Variants in NOP9 observed in about 807,000 individuals in gnomAD.
NOP9 encodes the protein NOP9 nucleolar protein, also known as nucleolar protein 9.
In NOP9, 50 loss-of-function variants were observed where a neutral mutation model predicts 63.0. The observed-to-expected ratio is 0.79, with a 90% CI of 0.63 to 1.00. The LOEUF (loss-of-function observed/expected upper bound fraction) is 1.00. NOP9 is among the 50% of genes least tolerant of loss of function. The probability of loss-of-function intolerance (pLI) is 0.00; values close to 1 mark genes in which losing one functional copy is unlikely to be tolerated. For synonymous variants in NOP9, 343 were observed against 332.8 expected (o/e 1.03, Z -0.33); for missense variants, 758 against 803.0 (o/e 0.94, Z 0.68).
intron 9 of NOP9, among the ~76,000 whole-genome samples, 169 bp downstream of exon 9, chr14:24,304,767 G>A (rs1410535017): frequency 6.6e-6 from 1 of 152,216 alleles, no homozygotes; most frequent in Non-Finnish European, 1.5e-5. Flanking sequence ...CTGACTGATT[G>A]TGTAGTCCTC....
In NOP9 at chr14:24,307,420, G is replaced by A; in HGVS notation, c.*2325G>A. On this transcript the variant is annotated 3_prime_UTR_variant, in exon 10 of 10. Transcript: ENST00000267425. The stretch of plus-strand genomic sequence containing the variant: ...GGCAGCTGTCAGGCCTTTCCGGATG[G>A]TCCGCTTGTGATCACAGACACGGAA... 1.2e-6 allele frequency: 2 copies of A among 1,614,134 alleles called. No individual in the cohort carries two copies. Among genetic ancestry groups the A allele is most frequent in the Non-Finnish European group, 1.7e-6 (2 of 1,179,992 alleles).
At position 24,304,090 on chromosome 14, in the gene NOP9, C is replaced by T; in HGVS notation, c.1460C>T (p.Ser487Phe). The T allele has an allele frequency of 6.2e-7, 1 of 1,614,216 alleles. No individual in the cohort carries two copies. The highest frequency in any genetic ancestry group is 8.5e-7 in the Non-Finnish European group (1 of 1,180,036). ...RALGDVTVLG[S>F]LLLQHLLHFS... ...TTGGGGGATGTGACAGTCCTTGGGTCTCTACTGCTCCAGCATCTGCTGCAC... is the reference window on the plus strand; with the variant it reads ...TTGGGGGATGTGACAGTCCTTGGGTTTCTACTGCTCCAGCATCTGCTGCAC... Residue 487 changes from serine to phenylalanine, a missense_variant, in exon 8 of 10, where the codon TCT (serine) becomes TTT (phenylalanine). Physicochemically the swap from Ser to Phe is radical, Grantham distance 155. Coordinates refer to ENST00000267425, the MANE Select transcript of NOP9 (RefSeq NM_174913.3).
At position 24,303,299 on chromosome 14, in the gene NOP9, C is replaced by T; in HGVS notation, c.1284+85C>T. 10 of 1,551,224 alleles carry T rather than the reference C, an allele frequency of 6.4e-6. No homozygotes were observed. The Admixed American group carries it at 1.5e-4, about 23-fold the overall frequency. On this transcript the variant is annotated intron_variant, in intron 6 of 9. Coordinates refer to ENST00000267425, the MANE Select transcript of NOP9 (RefSeq NM_174913.3). ...CTTATCTAATCTTAAGTTTTTGTAC[C>T]TCTGGACTCAGGAAGTCTAATGCCC...
At chr14:24,283,987 G>A in the NOP9 span, among the ~76,000 whole-genome samples, 4 of 152,236 alleles carry the variant, frequency 2.6e-5, no homozygotes, top group Non-Finnish European at 5.9e-5. Context: ...GGACCCCTAG[G>A]CCAGGGCACC....
the NOP9 span, among the ~76,000 whole-genome samples, chr14:24,275,231 T>C: frequency 0.018 from 2,780 of 152,242 alleles, 43 homozygotes; most frequent in Non-Finnish European, 0.028. Context: ...CTAAATGATG[T>C]TTGAAGAAGA....
At chr14:24,299,266 C>CA (rs2041323035), upstream of NOP9, 2 of 790,176 alleles carry the variant, frequency 2.5e-6, no homozygotes, top group South Asian at 1.9e-5. Context: ...GGAGAGGAGT[C>CA]AGAGGCTGAC....
chr14:24,307,926 G>T lies in NOP9; in HGVS notation c.*2831G>T. ...GGTTCTCTCCTGTGCTGGGGCTTTA[G>T]TGGTGTTTTCTGTTACAAACCTGGG... On this transcript the variant is annotated 3_prime_UTR_variant, in exon 10 of 10. Coordinates refer to ENST00000267425, the MANE Select transcript of NOP9 (RefSeq NM_174913.3). 7.1e-7 allele frequency: 1 copy of T among 1,408,572 alleles called. No individual in the cohort carries two copies. The highest frequency in any genetic ancestry group is 9.8e-7 in the Non-Finnish European group (1 of 1,015,966). 87.3% of individuals were successfully genotyped at this position (1,408,572 alleles called of 1,614,324 possible).
At chr14:24,292,104 T>G in the NOP9 span, 2 of 1,556,158 alleles carry the variant, frequency 1.3e-6, no homozygotes, top group African/African-American at 2.7e-5. Flanking sequence ...ACCTGGTGAG[T>G]GGGAGTATCT....
chr14:24,288,354 A>AT, the NOP9 span, among the ~76,000 whole-genome samples: 342 of 146,878 alleles, frequency 2.3e-3, 3 homozygotes, highest in African/African-American at 4.7e-3. Context: ...GGAATTGACA[A>AT]TTTTTTTTTT....
the NOP9 span, among the ~76,000 whole-genome samples, chr14:24,272,029 TTGG>T: frequency 1.3e-5 from 2 of 152,240 alleles, no homozygotes; most frequent in Non-Finnish European, 2.9e-5. Context: ...CCCCTAAATG[TTGG>T]TGATCTCCAG....
chr14:24,291,873 A>G, the NOP9 span: 3 of 608,152 alleles, frequency 4.9e-6, no homozygotes, highest in Non-Finnish European at 8.7e-6. Flanking sequence ...GGTAGTGCCA[A>G]ATAGTGTTTG....
the NOP9 span, among the ~76,000 whole-genome samples, chr14:24,283,853 G>A: frequency 6.6e-6 from 1 of 152,380 alleles, no homozygotes; most frequent in East Asian, 1.9e-4. Context: ...GATACCACCT[G>A]CAGAAGACCC....
chr14:24,307,426 T>A lies in NOP9; in HGVS notation c.*2331T>A, dbSNP rs1193463835. On this transcript the variant is annotated 3_prime_UTR_variant, in exon 10 of 10. Transcript: ENST00000267425. ...TGTCAGGCCTTTCCGGATGGTCCGC[T>A]TGTGATCACAGACACGGAAAGGTCG... The A allele has an allele frequency of 6.2e-7, 1 of 1,614,126 alleles. No homozygotes were observed.
the NOP9 span, chr14:24,292,254 A>T: frequency 6.2e-7 from 1 of 1,614,014 alleles, no homozygotes; most frequent in Non-Finnish European, 8.5e-7. Context: ...TGTCTGCACA[A>T]TCCCCGGCCA....
chr14:24,275,006 G>A, the NOP9 span, among the ~76,000 whole-genome samples: 20 of 140,800 alleles, frequency 1.4e-4, no homozygotes, highest in Non-Finnish European at 2.9e-4. Flanking sequence ...TGTGCCTCCC[G>A]GGTTCAAGCG....
At chr14:24,288,550 A>G in the NOP9 span, among the ~76,000 whole-genome samples, 1 of 152,100 alleles carries the variant, frequency 6.6e-6, no homozygotes, top group Non-Finnish European at 1.5e-5. Context: ...GGGTTTCACC[A>G]TGTTGGCCAG....
intron 2 of NOP9, 65 bp downstream of exon 2, chr14:24,300,922 A>T (rs561255596): frequency 1.7e-5 from 22 of 1,307,484 alleles, no homozygotes; most frequent in Non-Finnish European, 2.4e-5. Flanking sequence ...AGAATGAGAC[A>T]GTAAACAGAA....
At chr14:24,274,976 C>G in the NOP9 span, among the ~76,000 whole-genome samples, 72,206 of 144,716 alleles carry the variant, frequency 0.5, 19,617 homozygotes, top group African/African-American at 0.72. Flanking sequence ...GCAATGGCAC[C>G]ATCTTGGCTC....
chr14:24,302,226 C>G lies in NOP9; in HGVS notation c.951-6C>G. The stretch of plus-strand genomic sequence containing the variant: ...TAAGACTGCCTGATGCCCTTCTTGT[C>G]CCTAGTCCCCTACTGCTATTTCTCC... On this transcript the variant is annotated splice_polypyrimidine_tract_variant and splice_region_variant and intron_variant, in intron 4 of 9. Coordinates refer to ENST00000267425, the MANE Select transcript of NOP9 (RefSeq NM_174913.3). 6.2e-7 allele frequency: 1 copy of G among 1,608,986 alleles called. No homozygotes were observed. Among genetic ancestry groups the G allele is most frequent in the East Asian group, 2.2e-5 (1 of 44,718 alleles).
Sources: allele counts gnomAD v4.1 joint callset (sites outside exome capture counted in the v4.1 genomes callset), GRCh38; gene constraint gnomAD v4.1.1; transcripts MANE v1.5; gene names NCBI Gene and HGNC (gene_info 2026-07-23, HGNC 2026-07-21).